COL11A1: variants seen among roughly 807,000 people sequenced by gnomAD.
COL11A1 encodes the protein collagen type XI alpha 1 chain, also known as collagen alpha-1(XI) chain.
Under a neutral mutation model 265.2 loss-of-function variants are expected in COL11A1, and 74 were observed. The observed-to-expected ratio is 0.28, with a 90% confidence interval of 0.23 to 0.34. COL11A1 has a LOEUF of 0.34. Among genes scored for constraint, COL11A1 ranks in the 10% least tolerant of loss-of-function variants. The probability of loss-of-function intolerance (pLI) is 1.00; values close to 1 mark genes in which losing one functional copy is unlikely to be tolerated. For missense variants in COL11A1, 2,165 were observed against 2,263.6 expected (o/e 0.96, Z 0.88); for synonymous variants, 816 against 727.6 (o/e 1.12, Z -1.96).
chr1:103,080,542 C>T (rs901476900), intron 2 of COL11A1, among the ~76,000 whole-genome samples: 1 of 151,592 alleles, frequency 6.6e-6, no homozygotes, highest in Non-Finnish European at 1.5e-5. Context: ...AGAAGACATA[C>T]AAATGGCTAA....
intron 35 of COL11A1, 36 bp downstream of exon 35, chr1:102,978,672 T>C (rs1378003574): frequency 6.2e-7 from 1 of 1,605,750 alleles, no homozygotes; most frequent in African/African-American, 1.3e-5. Flanking sequence ...GAAATACTAA[T>C]TTTCATTTTA....
chr1:102,906,669 G>A (rs1654020796), intron 54 of COL11A1, among the ~76,000 whole-genome samples: 1 of 152,032 alleles, frequency 6.6e-6, no homozygotes, highest in Non-Finnish European at 1.5e-5. Flanking sequence ...GAAAGTGCTG[G>A]GATTACAGGT....
intron 1 of COL11A1, among the ~76,000 whole-genome samples, chr1:103,083,490 C>T (rs1672603472): frequency 6.6e-6 from 1 of 151,822 alleles, no homozygotes; most frequent in African/African-American, 2.4e-5. Flanking sequence ...TTTGAAGATT[C>T]AAATGTACAA....
intron 4 of COL11A1, among the ~76,000 whole-genome samples, chr1:103,042,111 T>C (rs780590535): frequency 6.6e-6 from 1 of 152,114 alleles, no homozygotes; most frequent in Non-Finnish European, 1.5e-5. Flanking sequence ...TTTGAGAATA[T>C]TTGTCTTTGA....
At position 102,958,213 on chromosome 1, in the gene COL11A1, T is replaced by C. The variant is rs111613690; in HGVS notation, c.3168+3653A>G. On this transcript the variant is annotated intron_variant, in intron 41 of 66. Coordinates refer to ENST00000370096, the MANE Select transcript of COL11A1 (RefSeq NM_001854.4). ...TTATGACTCAGAATTTTATCATTTC[T>C]CACCAACTGATCAAATACTTCCCCT... Among the ~76,000 whole-genome samples, 566 of 152,246 alleles carry C rather than the reference T, an allele frequency of 3.7e-3. 5 individuals carry two copies. Among genetic ancestry groups the C allele is most frequent in the African/African-American group, 0.013 (520 of 41,584 alleles).
At chr1:103,054,528 G>A (rs1054629243) in intron 4 of COL11A1, among the ~76,000 whole-genome samples, 5 of 151,550 alleles carry the variant, frequency 3.3e-5, no homozygotes, top group African/African-American at 1.2e-4. Flanking sequence ...CCATATCTGT[G>A]TTTTTCACTT....
intron 24 of COL11A1, chr1:103,000,880 A>T (rs2101821387): frequency 3.1e-6 from 1 of 323,026 alleles, no homozygotes; most frequent in African/African-American, 2.1e-5. Flanking sequence ...AGTAAAAGTA[A>T]ACAGAACCTG....
intron 4 of COL11A1, among the ~76,000 whole-genome samples, chr1:103,072,806 T>C (rs1259990059): frequency 6.6e-6 from 1 of 151,786 alleles, no homozygotes; most frequent in Non-Finnish European, 1.5e-5. Flanking sequence ...CTGAATCTTA[T>C]ATCTGATGGC....
intron 3 of COL11A1, among the ~76,000 whole-genome samples, chr1:103,077,172 TTC>T (rs1266208797): frequency 3.3e-5 from 5 of 152,146 alleles, no homozygotes; most frequent in African/African-American, 1.2e-4. Flanking sequence ...TAAATATAAC[TTC>T]TGTTTGATAA....
Position 103,069,028 on chromosome 1 carries a change from A to C in COL11A1, c.651+5590T>G, listed in dbSNP as rs114696035. Among the ~76,000 whole-genome samples the C allele has an allele frequency of 2.4e-3, 367 of 151,870 alleles. 1 individual carries two copies. Among genetic ancestry groups the C allele is most frequent in the Non-Finnish European group, 4.7e-3 (321 of 67,694 alleles). On this transcript the variant is annotated intron_variant, in intron 4 of 66. Coordinates refer to ENST00000370096, the MANE Select transcript of COL11A1 (RefSeq NM_001854.4). ...GATCTGTAGGTTAAATGAAATCCCC[A>C]TTAAAACCACAACTTCTTGTAGAAG...
In COL11A1 at chr1:103,108,253, G is replaced by C. The variant is rs886044980; in HGVS notation, c.-75C>G. 3.1e-5 allele frequency: 34 copies of C among 1,112,086 alleles called. No individual in the cohort carries two copies. The highest frequency in any genetic ancestry group is 3.7e-5 in the Non-Finnish European group (27 of 731,004). The allele number at this position is 1,112,086 out of a possible 1,614,324, so 68.9% of individuals were successfully genotyped here. A position where few individuals can be genotyped will look rare whatever the true frequency, so the allele number is the denominator to read the frequency against. ...TGCAGACCAACTTCGTCCTTTCCAA[G>C]GTATCGCCAGGGATGTTTGCTACAC... On this transcript the variant is annotated 5_prime_UTR_variant, in exon 1 of 67. Transcript: ENST00000370096.
At chr1:103,019,837 T>A (rs79396878) in intron 9 of COL11A1, among the ~76,000 whole-genome samples, 5,319 of 149,546 alleles carry the variant, frequency 0.036, 104 homozygotes, top group Middle Eastern at 0.09. Context: ...GAATACGCAG[T>A]GTTTGGTTTT....
chr1:102,918,833 C>T lies in COL11A1; in HGVS notation c.3762+1478G>A, dbSNP rs1035517839. On this transcript the variant is annotated intron_variant, in intron 49 of 66. Transcript: ENST00000370096. ...ATGGAAACAATGTGGAAGGAAGTTT[C>T]TCAGAACTAAACACCTGGCATTCAT... 2.0e-5 allele frequency among the ~76,000 whole-genome samples: 3 copies of T among 152,120 alleles called. No individual in the cohort carries two copies. In the East Asian group the frequency reaches 5.8e-4, roughly 29 times the overall value.
At chr1:102,951,423 A>G (rs879596169) in intron 41 of COL11A1, among the ~76,000 whole-genome samples, 11 of 152,258 alleles carry the variant, frequency 7.2e-5, no homozygotes, top group East Asian at 1.9e-4. Flanking sequence ...TCACGCCGGG[A>G]GTGGTGGCTC....
At chr1:102,936,503 G>A (rs1658161773) in intron 44 of COL11A1, among the ~76,000 whole-genome samples, 1 of 152,112 alleles carries the variant, frequency 6.6e-6, no homozygotes, top group East Asian at 1.9e-4. Context: ...GAAAACAACT[G>A]ACAGTATTTA....
In COL11A1 at chr1:103,082,936, T is replaced by C. The variant is rs1186262161; in HGVS notation, c.143A>G (p.His48Arg). Residue 48 changes from histidine (H) to arginine (R), a missense_variant, in exon 2 of 67, where the codon CAC becomes CGC. Physicochemically the swap from His to Arg is conservative, Grantham distance 29 (BLOSUM62 0). Transcript: ENST00000370096. The part of the protein sequence containing the change: ...PVDVLKALDF[H>R]NSPEGISKTT... Reference sequence around the variant, plus strand: ...TTTTGATATTCCCTCTGGAGAATTGTGAAAATCTAGTGCTTTTAGTACATC... The same window carrying C: ...TTTTGATATTCCCTCTGGAGAATTGCGAAAATCTAGTGCTTTTAGTACATC... The C allele has an allele frequency of 1.2e-6, 2 of 1,613,330 alleles. No individual in the cohort carries two copies. Among genetic ancestry groups the C allele is most frequent in the Non-Finnish European group, 8.5e-7 (1 of 1,179,622 alleles).
In COL11A1 at chr1:102,978,732, G is replaced by C; in HGVS notation, c.2730C>G (p.Gly910=). ...PGPKGTSGGD[G]PPGPPGERGP... ...CTCTTTCACCTGGAGGGCCAGGAGG[G>C]CCATCGCCACCTGAAGTGCCCTGGC... Residue 910 remains glycine (G), a synonymous_variant, in exon 35 of 67, where the codon GGC becomes GGG. Transcript: ENST00000370096. 6.2e-7 allele frequency: 1 copy of C among 1,614,066 alleles called. No homozygotes were observed. The highest frequency in any genetic ancestry group is 8.5e-7 in the Non-Finnish European group (1 of 1,179,976).
chr1:102,978,580 T>C (rs1662725862), intron 35 of COL11A1, 128 bp downstream of exon 35: 5 of 1,025,988 alleles, frequency 4.9e-6, no homozygotes, highest in African/African-American at 1.6e-5. Flanking sequence ...TAAGCGTTTT[T>C]AAATTCAGAC....
At position 102,995,606 on chromosome 1, in the gene COL11A1, T is replaced by TA. The variant is rs202223220; in HGVS notation, c.2340+257dup. On this transcript the variant is annotated intron_variant, in intron 28 of 66. Transcript: ENST00000370096. ...ATGATTAACAAAACTTAAGCACATG[T>TA]AAAAAAAAAAAAAGAAAAAGGATGC... Among the ~76,000 whole-genome samples the TA allele has an allele frequency of 0.037, 5,257 of 143,224 alleles. 136 individuals carry two copies. Among genetic ancestry groups the TA allele is most frequent in the Middle Eastern group, 0.079 (22 of 278 alleles). The allele number at this position is 143,224 out of a possible 152,430, so 94.0% of individuals were successfully genotyped here.
Sources: allele counts gnomAD v4.1 joint callset (sites outside exome capture counted in the v4.1 genomes callset), GRCh38; gene constraint gnomAD v4.1.1; transcripts MANE v1.5; gene names NCBI Gene and HGNC (gene_info 2026-07-23, HGNC 2026-07-21).